The following MAPK4 variants were observed in gnomAD, a reference collection of about 807,000 sequenced individuals.
MAPK4 encodes Erk3-related.
A neutral mutation model predicts 47.7 loss-of-function variants in MAPK4; 22 were observed. That is an observed-to-expected ratio of 0.46 (90% CI 0.33 to 0.66). The LOEUF (loss-of-function observed/expected upper bound fraction) is 0.66. Ranked by LOEUF, MAPK4 falls within the 30% of genes least tolerant of loss-of-function variation. MAPK4 has a pLI of 0.02. For synonymous variants in MAPK4, 390 were observed against 365.7 expected (o/e 1.07, Z -0.76); for missense variants, 736 against 831.7 (o/e 0.88, Z 1.42).
chr18:50,724,896 A>G (rs1808703960), intron 4 of MAPK4, among the ~76,000 whole-genome samples: 1 of 152,142 alleles, frequency 6.6e-6, no homozygotes, highest in African/African-American at 2.4e-5. Context: ...GTCATGATTT[A>G]AGCGGACCTC....
At chr18:50,616,712 G>T (rs572680581) in intron 1 of MAPK4, among the ~76,000 whole-genome samples, 1 of 152,196 alleles carries the variant, frequency 6.6e-6, no homozygotes, top group Non-Finnish European at 1.5e-5. Context: ...TGAAGAACCT[G>T]GAGTCTGATG....
intron 2 of MAPK4, among the ~76,000 whole-genome samples, chr18:50,681,975 G>A (rs1357638809): frequency 6.6e-6 from 1 of 152,094 alleles, no homozygotes; most frequent in East Asian, 1.9e-4. Flanking sequence ...GTCACACAAA[G>A]GCCACATATT....
rs191713497 is a variant in MAPK4, at chr18:50,673,354, C to T, written c.546+8850C>T. Among the ~76,000 whole-genome samples, 4 of 152,356 alleles carry T rather than the reference C, an allele frequency of 2.6e-5. No individual in the cohort carries two copies. The East Asian group carries it at 7.7e-4, about 29-fold the overall frequency. On this transcript the variant is annotated intron_variant, in intron 2 of 5. Coordinates refer to ENST00000400384, the MANE Select transcript of MAPK4 (RefSeq NM_002747.4). ...GCCCAGCCTGCTCACTCACCTGGTA[C>T]TCCCCTCACCATGAGAGCTGCCACC... is the stretch of plus-strand genomic sequence containing the variant.
chr18:50,649,610 G>A lies in MAPK4; in HGVS notation c.-870-13479G>A, dbSNP rs117369872. On this transcript the variant is annotated intron_variant, in intron 1 of 5. Coordinates refer to ENST00000400384, the MANE Select transcript of MAPK4 (RefSeq NM_002747.4). ...CGTAAGGAAGCTCTGTGCATGATGCGTATAAGTTGACCACCTTAAGTACTT... is the reference window on the plus strand; with the variant it reads ...CGTAAGGAAGCTCTGTGCATGATGCATATAAGTTGACCACCTTAAGTACTT... Among the ~76,000 whole-genome samples the A allele has an allele frequency of 2.6e-4, 40 of 152,316 alleles. 1 individual carries two copies. The East Asian group carries it at 7.5e-3, about 29-fold the overall frequency.
chr18:50,669,001 G>C (rs1907772867), intron 2 of MAPK4, among the ~76,000 whole-genome samples: 1 of 152,216 alleles, frequency 6.6e-6, no homozygotes, highest in African/African-American at 2.4e-5. Context: ...GATGTACGCA[G>C]GGCTAAATCA....
chr18:50,596,225 T>C (rs1440392330), intron 1 of MAPK4, among the ~76,000 whole-genome samples: 2 of 152,208 alleles, frequency 1.3e-5, no homozygotes, highest in Non-Finnish European at 2.9e-5. Context: ...TCCAAGGTTA[T>C]ATGGCCAGTA....
chr18:50,674,173 T>G (rs1357646968), intron 2 of MAPK4, among the ~76,000 whole-genome samples: 1 of 152,224 alleles, frequency 6.6e-6, no homozygotes, highest in Non-Finnish European at 1.5e-5. Flanking sequence ...CTTCAGTCAT[T>G]GCTCCAGTCT....
At chr18:50,608,937 C>T (rs2042606851) in intron 1 of MAPK4, among the ~76,000 whole-genome samples, 1 of 151,818 alleles carries the variant, frequency 6.6e-6, no homozygotes, top group Admixed American at 6.6e-5. Flanking sequence ...AACGAGCATG[C>T]TGCCTTCAAG....
At chr18:50,642,214 C>T (rs146804969) in intron 1 of MAPK4, among the ~76,000 whole-genome samples, 40 of 152,204 alleles carry the variant, frequency 2.6e-4, no homozygotes, top group African/African-American at 8.4e-4. Flanking sequence ...TTATTTTCCC[C>T]GCAGTTTAGC....
intron 1 of MAPK4, among the ~76,000 whole-genome samples, chr18:50,650,162 A>G (rs1037518439): frequency 1.3e-5 from 2 of 152,176 alleles, no homozygotes; most frequent in Admixed American, 6.5e-5. Context: ...ATTGAGGACT[A>G]TATCAAGTGT....
intron 1 of MAPK4, among the ~76,000 whole-genome samples, chr18:50,624,692 A>C (rs2042761118): frequency 6.6e-6 from 1 of 152,082 alleles, no homozygotes; most frequent in Non-Finnish European, 1.5e-5. Flanking sequence ...TCAAAGTATA[A>C]GTTTGTTTTT....
At chr18:50,670,817 C>G (rs1907903083) in intron 2 of MAPK4, among the ~76,000 whole-genome samples, 1 of 151,420 alleles carries the variant, frequency 6.6e-6, no homozygotes, top group African/African-American at 2.4e-5. Context: ...CCCACACCAG[C>G]AGCCTCAGCT....
At chr18:50,651,792 GA>G (rs549705095) in intron 1 of MAPK4, among the ~76,000 whole-genome samples, 1 of 152,174 alleles carries the variant, frequency 6.6e-6, no homozygotes, top group South Asian at 2.1e-4. Flanking sequence ...AGAGGAGATA[GA>G]AATAATTTAG....
At chr18:50,702,161 C>CAAAAAAA (rs36001271) in intron 2 of MAPK4, among the ~76,000 whole-genome samples, 14 of 95,914 alleles carry the variant, frequency 1.5e-4, no homozygotes, top group African/African-American at 5.1e-4. Flanking sequence ...GATTCTGTCT[C>CAAAAAAA]AAAAAAAAAA....
chr18:50,666,210 G>A (rs1263111944), intron 2 of MAPK4, among the ~76,000 whole-genome samples: 2 of 152,180 alleles, frequency 1.3e-5, no homozygotes, highest in East Asian at 3.9e-4. Context: ...GGCGTAAACT[G>A]GCTATCGCAA....
At chr18:50,563,578 C>G (rs1313346468) in intron 1 of MAPK4, among the ~76,000 whole-genome samples, 1 of 152,192 alleles carries the variant, frequency 6.6e-6, no homozygotes, top group Non-Finnish European at 1.5e-5. Flanking sequence ...TTCTTTCAAG[C>G]ATTCCTGGAG....
At chr18:50,636,601 A>T (rs1348463240) in intron 1 of MAPK4, among the ~76,000 whole-genome samples, 6 of 152,134 alleles carry the variant, frequency 3.9e-5, no homozygotes, top group African/African-American at 7.2e-5. Flanking sequence ...TCCACATGAC[A>T]TGTCTGCTTT....
At chr18:50,714,987 G>A in intron 2 of MAPK4, 92 bp from the exon 3 acceptor site, 1 of 1,286,212 alleles carries the variant, frequency 7.8e-7, no homozygotes, top group Non-Finnish European at 1.1e-6. Flanking sequence ...CCTGAAAGAG[G>A]TCTGTTTCAT....
In MAPK4 at chr18:50,729,346, C is replaced by G. The variant is rs758297008; in HGVS notation, c.1256C>G (p.Ala419Gly). Residue 419 changes from alanine to glycine, a missense_variant, in exon 6 of 6, where the codon GCC becomes GGC. Transcript: ENST00000400384. ...CAGTCGCACTCGTCCATGGAGCGCG[C>G]CTTCGAGGCCGACTACGGGCGCTCC... is the stretch of plus-strand genomic sequence containing the variant. ...LEQSHSSMER[A>G]FEADYGRSCD... 1 of 1,585,878 alleles carries G rather than the reference C, an allele frequency of 6.3e-7. No individual in the cohort carries two copies. The highest frequency in any genetic ancestry group is 1.8e-5 in the Admixed American group (1 of 56,638).
Sources: gnomAD v4.1 joint callset for allele counts (sites outside exome capture counted in the v4.1 genomes callset) on GRCh38, gnomAD v4.1.1 for gene constraint, MANE v1.5 for transcripts, NCBI Gene and HGNC (gene_info 2026-07-23, HGNC 2026-07-21) for gene names.